The following CFAP57 variants were observed in gnomAD, a reference collection of about 807,000 sequenced individuals.
CFAP57 encodes cilia- and flagella-associated protein 57.
In CFAP57, 116 loss-of-function variants were observed where a neutral mutation model predicts 146.8. The observed-to-expected ratio is 0.79, with a 90% confidence interval of 0.68 to 0.92. The LOEUF (loss-of-function observed/expected upper bound fraction) is 0.92. Ranked by LOEUF, CFAP57 falls within the 40% of genes least tolerant of loss-of-function variation. The pLI is 0.00. For missense variants in CFAP57, 1,377 were observed against 1,527.2 expected, an observed-to-expected ratio of 0.90 and a Z score of 1.64; for synonymous variants, 518 against 552.8, an observed-to-expected ratio of 0.94 and a Z score of 0.88.
At chr1:43,231,718 A>AAAGTTAG (rs373943745) in intron 18 of CFAP57, among the ~76,000 whole-genome samples, 27 of 144,268 alleles carry the variant, frequency 1.9e-4, no homozygotes, top group Non-Finnish European at 3.0e-4. Flanking sequence ...AAAAAAAAAA[A>AAAGTTAG]TTAGTTGGGC....
intron 11 of CFAP57, among the ~76,000 whole-genome samples, chr1:43,212,108 C>T (rs1457503751): frequency 6.6e-6 from 1 of 152,190 alleles, no homozygotes; most frequent in Non-Finnish European, 1.5e-5. Context: ...TCAGTTTCCC[C>T]CAGTAATTAC....
At chr1:43,197,288 C>T (rs568780480) in intron 6 of CFAP57, among the ~76,000 whole-genome samples, 2 of 152,154 alleles carry the variant, frequency 1.3e-5, no homozygotes, top group Non-Finnish European at 2.9e-5. Context: ...ACCCGGGAGG[C>T]GGAGCTTGCA....
At chr1:43,207,892 C>T (rs756532493) in intron 10 of CFAP57, among the ~76,000 whole-genome samples, 7 of 152,236 alleles carry the variant, frequency 4.6e-5, no homozygotes, top group Admixed American at 2.0e-4. Context: ...TGTGTACCCC[C>T]GAGTAGCCTG....
intron 11 of CFAP57, chr1:43,211,624 C>G (rs1443905746): frequency 3.3e-5 from 5 of 150,578 alleles, no homozygotes; most frequent in East Asian, 1.9e-4. Flanking sequence ...TTCTTTGATG[C>G]ATTTCCTTCT....
intron 6 of CFAP57, among the ~76,000 whole-genome samples, chr1:43,193,292 T>C (rs1023418834): frequency 1.3e-5 from 2 of 152,172 alleles, no homozygotes; most frequent in Non-Finnish European, 2.9e-5. Context: ...TCATATAATT[T>C]AATCTTTTTT....
At position 43,185,181 on chromosome 1, in the gene CFAP57, T is replaced by A; in HGVS notation, c.794T>A (p.Leu265His). Residue 265 changes from leucine to histidine, a missense_variant, in exon 5 of 23, where the codon CTC (leucine) becomes CAC (histidine). By Grantham distance (99) the Leu-to-His change is moderately conservative (BLOSUM62 -3). Coordinates refer to ENST00000372492, the MANE Select transcript of CFAP57 (RefSeq NM_001378189.1). ...GAATTTCCACCAGTCAGTTCTCCACTCCCTTCCTATGAACAGATGGTGGCG... is the reference window on the plus strand; with the variant it reads ...GAATTTCCACCAGTCAGTTCTCCACACCCTTCCTATGAACAGATGGTGGCG... ...LIEFPPVSSPLPSYEQMVAAS... is the reference protein window; with the variant it reads ...LIEFPPVSSPHPSYEQMVAAS... 1.2e-6 allele frequency: 2 copies of A among 1,614,162 alleles called. No homozygotes were observed. Among genetic ancestry groups the A allele is most frequent in the Non-Finnish European group, 1.7e-6 (2 of 1,180,040 alleles).
rs66511657 is a variant in CFAP57 at position 43,245,326 on chromosome 1, CAA to C, written c.3538+1981_3538+1982del. The stretch of plus-strand genomic sequence containing the variant: ...TAGGTGACAGAGCAAGACCCTGTCT[CAA>C]AAAAAAAAAAAAAGTTTTAAATATG... On this transcript the variant is annotated intron_variant, in intron 22 of 22. Transcript: ENST00000372492. Among the ~76,000 whole-genome samples the C allele has an allele frequency of 2.9e-3, 409 of 142,186 alleles. 4 individuals carry two copies. The highest frequency in any genetic ancestry group is 1.0e-2 in the African/African-American group (384 of 38,464). The allele number at this position is 142,186 out of a possible 152,430, so 93.3% of individuals were successfully genotyped here.
chr1:43,246,929 A>G (rs1222501368), intron 22 of CFAP57, among the ~76,000 whole-genome samples: 1 of 152,210 alleles, frequency 6.6e-6, no homozygotes, highest in African/African-American at 2.4e-5. Context: ...AATCAATATA[A>G]TTTCCTTAAG....
intron 22 of CFAP57, among the ~76,000 whole-genome samples, chr1:43,246,517 C>A (rs1646120980): frequency 1.3e-5 from 2 of 152,138 alleles, no homozygotes; most frequent in South Asian, 4.1e-4. Flanking sequence ...CCATATACAA[C>A]AATTAACTCA....
intron 6 of CFAP57, among the ~76,000 whole-genome samples, chr1:43,189,620 A>C (rs1342703248): frequency 2.0e-5 from 3 of 152,186 alleles, no homozygotes; most frequent in Admixed American, 1.3e-4. Flanking sequence ...CTCATTTATT[A>C]GTTCCAGTAG....
At chr1:43,220,865 T>G (rs1412265248) in intron 13 of CFAP57, among the ~76,000 whole-genome samples, 1 of 152,176 alleles carries the variant, frequency 6.6e-6, no homozygotes, top group Non-Finnish European at 1.5e-5. Context: ...CTTTATAATT[T>G]TATTCATTTA....
chr1:43,210,178 G>T, intron 11 of CFAP57: 1 of 1,547,026 alleles, frequency 6.5e-7, no homozygotes, highest in Non-Finnish European at 8.7e-7. Flanking sequence ...ATAATAAGGG[G>T]CCGTTTGGTG....
intron 9 of CFAP57, among the ~76,000 whole-genome samples, chr1:43,202,294 A>C (rs1408743338): frequency 6.6e-6 from 1 of 152,266 alleles, no homozygotes; most frequent in Admixed American, 6.5e-5. Flanking sequence ...GGCAGGAAAT[A>C]AAGATAAGAG....
chr1:43,215,179 C>T, intron 11 of CFAP57, 76 bp from the exon 12 acceptor site: 1 of 1,529,364 alleles, frequency 6.5e-7, no homozygotes, highest in Non-Finnish European at 8.9e-7. Flanking sequence ...GGGGGGAAGC[C>T]TTGCGCAACA....
intron 6 of CFAP57, chr1:43,196,417 G>T (rs1402590089): frequency 1.3e-5 from 2 of 153,478 alleles, no homozygotes; most frequent in East Asian, 1.9e-4. Flanking sequence ...AGATAGTAGG[G>T]TCTACAGCCA....
intron 2 of CFAP57, chr1:43,177,033 C>T: frequency 2.3e-6 from 1 of 429,194 alleles, no homozygotes; most frequent in South Asian, 1.7e-5. Flanking sequence ...CACAGAGGGG[C>T]TTGCAGTTCA....
intron 6 of CFAP57, chr1:43,194,801 C>T (rs906096839): frequency 2.0e-5 from 3 of 152,084 alleles, no homozygotes; most frequent in Admixed American, 6.6e-5. Flanking sequence ...AGTTCTATCC[C>T]TATATTGATG....
At chr1:43,243,082 G>C (rs1291785680) in intron 21 of CFAP57, 145 bp from the exon 22 acceptor site, 1 of 967,136 alleles carries the variant, frequency 1.0e-6, no homozygotes, top group Non-Finnish European at 1.4e-6. Flanking sequence ...CTGGAATAAA[G>C]GCTCAGGCCC....
intron 22 of CFAP57, among the ~76,000 whole-genome samples, chr1:43,252,848 T>G (rs775053455): frequency 2.6e-5 from 4 of 152,158 alleles, no homozygotes; most frequent in Non-Finnish European, 4.4e-5. Context: ...GATTGAACAG[T>G]AGATTAGACA....
Sources: allele counts gnomAD v4.1 joint callset (sites outside exome capture counted in the v4.1 genomes callset), GRCh38; gene constraint gnomAD v4.1.1; transcripts MANE v1.5; gene names NCBI Gene and HGNC (gene_info 2026-07-23, HGNC 2026-07-21).